Variants in PRKCZ observed in about 807,000 individuals in gnomAD.
PRKCZ encodes the protein protein kinase C zeta, also known as protein kinase C zeta type.
In PRKCZ, 33 loss-of-function variants were observed where a neutral mutation model predicts 79.5. The observed-to-expected ratio is 0.41, with a 90% CI of 0.31 to 0.55. The LOEUF (loss-of-function observed/expected upper bound fraction) is 0.55, where lower values mean the gene tolerates loss of function less well. PRKCZ is among the 20% of genes least tolerant of loss of function. The pLI, the probability that PRKCZ is intolerant of heterozygous loss-of-function variation, is 0.19. For synonymous variants in PRKCZ, 342 were observed against 320.9 expected (o/e 1.07, Z -0.70); for missense variants, 578 against 813.5 (o/e 0.71, Z 3.52).
At position 2,125,605 on chromosome 1, in the gene PRKCZ, C is replaced by A. The variant is rs1673714747; in HGVS notation, c.335-9657C>A. On this transcript the variant is annotated intron_variant, in intron 4 of 17. Transcript: ENST00000378567. This position sits in a 1 kb window ranked among gnomAD's most constrained non-coding sequence, Gnocchi z 4.2. ...TGGAGTGACTGTGGGTCCCCGTGGC[C>A]CCTGACATGCTCCCAGGGAACCCAA... Among the ~76,000 whole-genome samples the A allele has an allele frequency of 1.3e-5, 2 of 152,180 alleles. No homozygotes were observed. Among genetic ancestry groups the A allele is most frequent in the African/African-American group, 4.8e-5 (2 of 41,444 alleles).
intron 16 of PRKCZ, chr1:2,183,959 C>T (rs547259071): frequency 6.6e-6 from 1 of 152,426 alleles, no homozygotes; most frequent in Non-Finnish European, 1.5e-5. Context: ...GGCCATGAGT[C>T]GGGGGAACTG....
At chr1:2,084,623 C>T (rs549987874) in intron 4 of PRKCZ, among the ~76,000 whole-genome samples, 3 of 152,354 alleles carry the variant, frequency 2.0e-5, no homozygotes, top group South Asian at 4.1e-4. Context: ...GGCATGGAGG[C>T]GTTCTGCACC....
intron 10 of PRKCZ, 123 bp from the exon 11 acceptor site, chr1:2,169,395 T>C (rs1256867981): frequency 3.6e-6 from 3 of 838,404 alleles, no homozygotes; most frequent in South Asian, 1.4e-5. Context: ...TGCTCTTTGC[T>C]CTTTGCAAGA....
intron 16 of PRKCZ, among the ~76,000 whole-genome samples, chr1:2,176,962 C>T (rs1685617083): frequency 1.3e-5 from 2 of 152,244 alleles, no homozygotes; most frequent in South Asian, 2.1e-4. Context: ...TGAGCATAGG[C>T]ACCTGCCACG....
Position 2,178,174 on chromosome 1 carries a change from G to T in PRKCZ, c.1575+2861G>T, listed in dbSNP as rs1685848233. ...TCATCGCGATCACTTTCATCACCCT[G>T]TACCCAGAGAAGACCCGAACCCACT... On this transcript the variant is annotated intron_variant, in intron 16 of 17. Coordinates refer to ENST00000378567, the MANE Select transcript of PRKCZ (RefSeq NM_002744.6). The surrounding 1 kb of genome is among the most constrained non-coding windows in gnomAD (Gnocchi z 4.3). Among the ~76,000 whole-genome samples, 1 of 152,128 alleles carries T rather than the reference G, an allele frequency of 6.6e-6. No homozygotes were observed. Among genetic ancestry groups the T allele is most frequent in the Admixed American group, 6.5e-5 (1 of 15,282 alleles).
rs1672132408 is a variant in PRKCZ at position 2,121,798 on chromosome 1, CGGTGGTTAGGGTCACGGT to C, written c.335-13450_335-13433del. On this transcript the variant is annotated intron_variant, in intron 4 of 17. Transcript: ENST00000378567. ...GTCACGGTGGTGGTTAGGGTCACGG[CGGTGGTTAGGGTCACGGT>C]GGTGGTTAGGGTCGTGGTAGTTAGG... is the stretch of plus-strand genomic sequence containing the variant. 1.4e-3 allele frequency among the ~76,000 whole-genome samples: 2 copies of C among 1,392 alleles called. 1 individual carries two copies. Among genetic ancestry groups the C allele is most frequent in the Non-Finnish European group, 2.7e-3 (2 of 746 alleles). The allele number at this position is 1,392 out of a possible 152,430, so 0.9% of individuals were successfully genotyped here.
intron 5 of PRKCZ, among the ~76,000 whole-genome samples, chr1:2,140,648 C>T (rs1471685528): frequency 1.3e-5 from 2 of 151,556 alleles, no homozygotes; most frequent in Non-Finnish European, 2.9e-5. Context: ...CAGAGTGAGA[C>T]TCCGTCTCAA....
intron 4 of PRKCZ, among the ~76,000 whole-genome samples, chr1:2,091,837 G>C (rs958843150): frequency 9.9e-5 from 15 of 152,238 alleles, no homozygotes; most frequent in Admixed American, 5.9e-4. Context: ...CTGACCCCAG[G>C]CGGGAGGACA....
rs1684658334 is a variant in PRKCZ at position 2,172,674 on chromosome 1, CAG to C, written c.1285+287_1285+288del. The stretch of plus-strand genomic sequence containing the variant: ...AAAGACACAGAAAGCGGGGGTGGGA[CAG>C]GGTGCAGCACCTGAGTCCCCGTGCT... On this transcript the variant is annotated intron_variant, in intron 13 of 17. Transcript: ENST00000378567. The surrounding 1 kb of genome is among the most constrained non-coding windows in gnomAD (Gnocchi z 7.8). 1.3e-5 allele frequency among the ~76,000 whole-genome samples: 2 copies of C among 152,196 alleles called. No individual in the cohort carries two copies. Among genetic ancestry groups the C allele is most frequent in the African/African-American group, 2.4e-5 (1 of 41,454 alleles).
intron 4 of PRKCZ, among the ~76,000 whole-genome samples, chr1:2,132,025 A>C (rs532377652): frequency 1.3e-5 from 2 of 152,098 alleles, no homozygotes; most frequent in Non-Finnish European, 2.9e-5. Context: ...GTTAGCCAGG[A>C]TGGTCTCGAT....
At chr1:2,167,133 G>A (rs1400271727) in intron 10 of PRKCZ, among the ~76,000 whole-genome samples, 1 of 152,256 alleles carries the variant, frequency 6.6e-6, no homozygotes, top group Non-Finnish European at 1.5e-5. Flanking sequence ...CATCATTGCA[G>A]CTTGAGCAGT....
chr1:2,120,393 C>T (rs547599897), intron 4 of PRKCZ, among the ~76,000 whole-genome samples: 13 of 150,064 alleles, frequency 8.7e-5, no homozygotes, highest in African/African-American at 2.5e-4. Flanking sequence ...TCCACCTCCC[C>T]GGTTCAAGTG....
At chr1:2,071,157 C>T (rs1661547941) in intron 4 of PRKCZ, 1 of 236,690 alleles carries the variant, frequency 4.2e-6, no homozygotes, top group Non-Finnish European at 8.9e-6. Context: ...TGACTTCAGG[C>T]ATGTGGGTGG....
rs950060911 is a variant in PRKCZ, at chr1:2,062,942, C to T, written c.334+3351C>T. 3.9e-5 allele frequency among the ~76,000 whole-genome samples: 6 copies of T among 152,298 alleles called. No homozygotes were observed. The South Asian group carries it at 1.0e-3, about 26-fold the overall frequency. On this transcript the variant is annotated intron_variant, in intron 4 of 17. Transcript: ENST00000378567. The stretch of plus-strand genomic sequence containing the variant: ...AACACTCACTCCCCATTCTGCCTCC[C>T]CCAGCCCCCATCACCCACCCGCCGC...
intron 4 of PRKCZ, chr1:2,134,958 C>G: frequency 4.2e-6 from 1 of 236,270 alleles, no homozygotes; most frequent in Non-Finnish European, 8.4e-6. Context: ...CCTGGGGTGA[C>G]TTCACGGCTC....
rs115570748 is a variant in PRKCZ at position 2,124,542 on chromosome 1, G to A, written c.335-10720G>A. Among the ~76,000 whole-genome samples, 1,420 of 152,212 alleles carry A rather than the reference G, an allele frequency of 9.3e-3. 17 individuals are homozygous for A. Among genetic ancestry groups the A allele is most frequent in the African/African-American group, 0.027 (1,121 of 41,508 alleles). On this transcript the variant is annotated intron_variant, in intron 4 of 17. Transcript: ENST00000378567. ...ATGAGAACATGGTGAGCATGAGGCC[G>A]CCAGCAAGCAAGGAGATACCCCGCC... is the stretch of plus-strand genomic sequence containing the variant.
intron 3 of PRKCZ, among the ~76,000 whole-genome samples, 182 bp from the exon 4 acceptor site, chr1:2,059,359 A>C (rs1213718342): frequency 6.6e-6 from 1 of 152,162 alleles, no homozygotes; most frequent in African/African-American, 2.4e-5. Context: ...TTAAAGTCGG[A>C]GCCTGGCCTA....
rs758385704 is a variant in PRKCZ at position 2,080,101 on chromosome 1, C to T, written c.334+20510C>T. Among the ~76,000 whole-genome samples, 24 of 152,322 alleles carry T rather than the reference C, an allele frequency of 1.6e-4. 1 individual carries two copies. The highest frequency in any genetic ancestry group is 3.3e-4 in the Admixed American group (5 of 15,310). ...GCCCAGTACAGTCTCCTGGTGGCCA[C>T]GGGGCCCTCTGCCTTCCAGGTCCCA... On this transcript the variant is annotated intron_variant, in intron 4 of 17. Coordinates refer to ENST00000378567, the MANE Select transcript of PRKCZ (RefSeq NM_002744.6).
intron 4 of PRKCZ, among the ~76,000 whole-genome samples, chr1:2,063,728 T>C (rs1660892502): frequency 6.6e-6 from 1 of 152,240 alleles, no homozygotes; most frequent in African/African-American, 2.4e-5. Flanking sequence ...CTCTTGTCGT[T>C]TTCTGTTTTT....
Sources: gnomAD v4.1 joint callset for allele counts (sites outside exome capture counted in the v4.1 genomes callset) on GRCh38, gnomAD v4.1.1 for gene constraint, Gnocchi (gnomAD v3.1) non-coding constraint, MANE v1.5 for transcripts, NCBI Gene and HGNC (gene_info 2026-07-23, HGNC 2026-07-21) for gene names.